MBNL1: variants seen among roughly 807,000 people sequenced by gnomAD.
MBNL1 encodes muscleblind-like protein 1.
In MBNL1, 8 loss-of-function variants were observed where a neutral mutation model predicts 42.2. The observed-to-expected ratio is 0.19, with a 90% confidence interval of 0.11 to 0.34. The LOEUF is 0.34. Ranked by LOEUF, MBNL1 falls within the 10% of genes least tolerant of loss-of-function variation. The pLI is 1.00. For missense variants in MBNL1, 309 were observed against 495.3 expected, an observed-to-expected ratio of 0.62 and a Z score of 3.57; for synonymous variants, 169 against 173.9, an observed-to-expected ratio of 0.97 and a Z score of 0.22.
intron 2 of MBNL1, among the ~76,000 whole-genome samples, chr3:152,311,799 G>A (rs2066663867): frequency 6.6e-6 from 1 of 151,962 alleles, no homozygotes; most frequent in African/African-American, 2.4e-5. Context: ...ATGGCATAAA[G>A]AGCATGTTTG....
intron 2 of MBNL1, among the ~76,000 whole-genome samples, chr3:152,336,780 A>G (rs879905423): frequency 6.6e-6 from 1 of 152,134 alleles, no homozygotes; most frequent in South Asian, 2.1e-4. Context: ...GGAGAAATCA[A>G]TTTTCCCAAC....
At chr3:152,315,926 C>T (rs554983594) in intron 2 of MBNL1, among the ~76,000 whole-genome samples, 70 of 152,132 alleles carry the variant, frequency 4.6e-4, no homozygotes, top group Non-Finnish European at 7.5e-4. Flanking sequence ...CGCGCACACA[C>T]CCACACGTCT....
chr3:152,334,860 T>A (rs2152717844), intron 2 of MBNL1, among the ~76,000 whole-genome samples: 1 of 152,264 alleles, frequency 6.6e-6, no homozygotes, highest in Admixed American at 6.5e-5. Flanking sequence ...ATAGTAACAG[T>A]GTATTCATCA....
chr3:152,440,764 A>AC (rs1289810612), intron 4 of MBNL1, among the ~76,000 whole-genome samples: 1 of 152,270 alleles, frequency 6.6e-6, no homozygotes, highest in Non-Finnish European at 1.5e-5. Flanking sequence ...AAATGAAAAT[A>AC]GAGATAATTT....
intron 1 of MBNL1, among the ~76,000 whole-genome samples, chr3:152,270,257 A>G (rs139116480): frequency 6.6e-6 from 1 of 152,280 alleles, no homozygotes; most frequent in African/African-American, 2.4e-5. Context: ...TAGCAGATGG[A>G]TGGCAAACTC....
At chr3:152,340,879 A>G (rs1476089038) in intron 2 of MBNL1, 1 of 1,613,010 alleles carries the variant, frequency 6.2e-7, no homozygotes, top group South Asian at 1.1e-5. Context: ...GTATAAAGGC[A>G]CCTGTGGGCC....
chr3:152,312,008 G>A (rs1165957161), intron 2 of MBNL1, among the ~76,000 whole-genome samples: 1 of 151,600 alleles, frequency 6.6e-6, no homozygotes, highest in Non-Finnish European at 1.5e-5. Context: ...GGCTAAAAAC[G>A]GTGAAACCCC....
At chr3:152,349,146 A>G (rs2094626337) in intron 2 of MBNL1, among the ~76,000 whole-genome samples, 1 of 152,088 alleles carries the variant, frequency 6.6e-6, no homozygotes, top group South Asian at 2.1e-4. Flanking sequence ...CCCATTCCCT[A>G]AGAATGTATC....
At chr3:152,306,339 G>A (rs950939240) in intron 2 of MBNL1, among the ~76,000 whole-genome samples, 3 of 152,188 alleles carry the variant, frequency 2.0e-5, no homozygotes, top group African/African-American at 7.2e-5. Flanking sequence ...CGACTCTATA[G>A]TCATTGGAAC....
intron 2 of MBNL1, among the ~76,000 whole-genome samples, chr3:152,349,522 A>G (rs1232875975): frequency 6.6e-6 from 1 of 152,134 alleles, no homozygotes. Flanking sequence ...AATTTTTCTG[A>G]GTTGCACTAT....
At chr3:152,434,515 CG>C (rs2099052566) in intron 4 of MBNL1, among the ~76,000 whole-genome samples, 1 of 151,960 alleles carries the variant, frequency 6.6e-6, no homozygotes, top group African/African-American at 2.4e-5. Flanking sequence ...AGTGAATACA[CG>C]TGTGTGTCTT....
intron 1 of MBNL1, among the ~76,000 whole-genome samples, chr3:152,297,588 T>C (rs2059163864): frequency 6.6e-6 from 1 of 152,078 alleles, no homozygotes; most frequent in Admixed American, 6.5e-5. Context: ...ACACCTGACC[T>C]CGTGATCTGC....
intron 2 of MBNL1, among the ~76,000 whole-genome samples, chr3:152,322,128 C>G (rs947622470): frequency 3.9e-5 from 6 of 152,062 alleles, no homozygotes; most frequent in African/African-American, 1.2e-4. Flanking sequence ...CATTAGAACT[C>G]TGTCATACTC....
intron 2 of MBNL1, among the ~76,000 whole-genome samples, chr3:152,313,125 C>T (rs959905294): frequency 5.3e-5 from 8 of 151,852 alleles, no homozygotes; most frequent in Admixed American, 2.6e-4. Flanking sequence ...TGGGTTCAAG[C>T]GATTCTCCTG....
At chr3:152,457,469 C>T (rs374283317) in intron 8 of MBNL1, among the ~76,000 whole-genome samples, 11 of 152,326 alleles carry the variant, frequency 7.2e-5, no homozygotes, top group Middle Eastern at 3.4e-3. Context: ...TAATACATCA[C>T]GTACTGTTGA....
intron 1 of MBNL1, among the ~76,000 whole-genome samples, chr3:152,294,515 A>T (rs1577293039): frequency 6.6e-6 from 1 of 151,924 alleles, no homozygotes. Flanking sequence ...TGATCTCCTG[A>T]CCTCGTGATC....
At chr3:152,379,109 A>G (rs926132591) in intron 2 of MBNL1, among the ~76,000 whole-genome samples, 5 of 152,232 alleles carry the variant, frequency 3.3e-5, no homozygotes, top group Non-Finnish European at 7.3e-5. Flanking sequence ...AACATTAACA[A>G]ATAATCTCAA....
At chr3:152,446,767 C>T in intron 5 of MBNL1, 1 of 1,610,282 alleles carries the variant, frequency 6.2e-7, no homozygotes, top group Non-Finnish European at 8.5e-7. Context: ...GGTACTATGA[C>T]CTTTCACCTT....
upstream of MBNL1, chr3:152,268,684 C>G (rs1262566119): frequency 2.3e-6 from 1 of 440,834 alleles, no homozygotes; most frequent in Admixed American, 2.5e-5. Flanking sequence ...CTCGGCGCCG[C>G]TGGGCGACCG....
Sources: allele counts gnomAD v4.1 joint callset (sites outside exome capture counted in the v4.1 genomes callset), GRCh38; gene constraint gnomAD v4.1.1; transcripts MANE v1.5; gene names NCBI Gene and HGNC (gene_info 2026-07-23, HGNC 2026-07-21).